The following CYP2C19 variants were observed in gnomAD, a reference collection of about 807,000 sequenced individuals.
CYP2C19 encodes cytochrome P450 family 2 subfamily C member 19, also known as cytochrome P450 2C19.
A neutral mutation model predicts 40.9 loss-of-function variants in CYP2C19; 59 were observed. The observed-to-expected ratio is 1.44, with a 90% CI of 1.17 to 1.79. The LOEUF (loss-of-function observed/expected upper bound fraction) is 1.79, where lower values mean the gene tolerates loss of function less well. Among genes scored for constraint, CYP2C19 ranks in the 40% most tolerant of loss-of-function variants. The pLI is 0.00. For synonymous variants in CYP2C19, 253 were observed against 208.7 expected (o/e 1.21, Z -1.83); for missense variants, 754 against 596.9 (o/e 1.26, Z -2.74).
intron 1 of CYP2C19, among the ~76,000 whole-genome samples, chr10:94,773,590 T>G (rs886120797): frequency 6.6e-6 from 1 of 152,070 alleles, no homozygotes; most frequent in African/African-American, 2.4e-5. Context: ...TCCTGGTGGG[T>G]TTGTGGTCTT....
chr10:94,831,683 T>C (rs1430367276), intron 6 of CYP2C19, among the ~76,000 whole-genome samples: 1 of 152,222 alleles, frequency 6.6e-6, no homozygotes, highest in Admixed American at 6.5e-5. Flanking sequence ...GTATGTCTGT[T>C]AACAATTAAC....
At chr10:94,825,356 G>T (rs1457919497) in intron 6 of CYP2C19, among the ~76,000 whole-genome samples, 99 of 148,622 alleles carry the variant, frequency 6.7e-4, no homozygotes, top group Non-Finnish European at 1.2e-3. Context: ...ATTCTAACTG[G>T]TGTGAGATGG....
intron 8 of CYP2C19, among the ~76,000 whole-genome samples, chr10:94,851,990 T>C (rs182141438): frequency 8.7e-4 from 133 of 152,336 alleles, no homozygotes; most frequent in Non-Finnish European, 1.4e-3. Flanking sequence ...AGATAAAATT[T>C]GACCTATGTC....
intron 7 of CYP2C19, among the ~76,000 whole-genome samples, chr10:94,846,905 C>T (rs1432728340): frequency 3.9e-5 from 6 of 151,952 alleles, no homozygotes; most frequent in Non-Finnish European, 4.4e-5. Flanking sequence ...AAACAAACTA[C>T]ATGGCAATGA....
rs1263961544 is a variant in CYP2C19 at position 94,775,049 on chromosome 10, C to T, written c.169-9C>T. 6.2e-7 allele frequency: 1 copy of T among 1,613,760 alleles called. No individual in the cohort carries two copies. The highest frequency in any genetic ancestry group is 8.5e-7 in the Non-Finnish European group (1 of 1,179,832). On this transcript the variant is annotated splice_polypyrimidine_tract_variant and intron_variant, in intron 1 of 8. Transcript: ENST00000371321. ...CTTCATTTGCTGTTAACTGTATCTC[C>T]TTTTCTAGCTCTCAAAAATCTATGG...
At chr10:94,827,294 G>C (rs1849243200) in intron 6 of CYP2C19, among the ~76,000 whole-genome samples, 1 of 151,970 alleles carries the variant, frequency 6.6e-6, no homozygotes, top group Admixed American at 6.6e-5. Flanking sequence ...TCTGGTCCTG[G>C]ACTCTTTTTG....
Position 94,854,530 on chromosome 10 carries a change from A to T in CYP2C19, c.*1616A>T, listed in dbSNP as rs1849703895. ...TTCTACTTGAAATGTAAGAAATAAG[A>T]AGTAACATAATTGATTATGCTTTTC... On this transcript the variant is annotated 3_prime_UTR_variant, in exon 9 of 9. Transcript: ENST00000371321. Among the ~76,000 whole-genome samples, 3 of 151,938 alleles carry T rather than the reference A, an allele frequency of 2.0e-5. No individual in the cohort carries two copies. Among genetic ancestry groups the T allele is most frequent in the South Asian group, 4.2e-4 (2 of 4,818 alleles).
chr10:94,799,363 G>A (rs909102406), intron 5 of CYP2C19, among the ~76,000 whole-genome samples: 8 of 152,158 alleles, frequency 5.3e-5, no homozygotes, highest in African/African-American at 1.9e-4. Context: ...GGTTTCTGCT[G>A]AGAGAGGCAC....
rs560829333 is a variant in CYP2C19, at chr10:94,855,423, T to C, written c.*2509T>C. On this transcript the variant is annotated 3_prime_UTR_variant, in exon 9 of 9. Transcript: ENST00000371321. ...TGCTAATTCTCTGCATTTATTTTTATTGTTTGTATTTCTTCCCTAAAATAC... is the reference window on the plus strand; with the variant it reads ...TGCTAATTCTCTGCATTTATTTTTACTGTTTGTATTTCTTCCCTAAAATAC... Among the ~76,000 whole-genome samples the C allele has an allele frequency of 1.0e-3, 157 of 152,362 alleles. 1 individual carries two copies. The highest frequency in any genetic ancestry group is 0.01 in the Middle Eastern group (3 of 294).
chr10:94,771,331 G>A (rs568367980), intron 1 of CYP2C19, among the ~76,000 whole-genome samples: 11 of 152,172 alleles, frequency 7.2e-5, no homozygotes, highest in Middle Eastern at 3.4e-3. Context: ...GCTAGGATAC[G>A]GGGGTAAGCT....
chr10:94,775,599 T>C, intron 3 of CYP2C19, 60 bp downstream of exon 3: 3 of 1,612,952 alleles, frequency 1.9e-6, no homozygotes, highest in Non-Finnish European at 2.5e-6. Flanking sequence ...CTACTGACAT[T>C]CTTGGAAACA....
At chr10:94,814,956 C>T (rs552712015) in intron 5 of CYP2C19, among the ~76,000 whole-genome samples, 2 of 140,312 alleles carry the variant, frequency 1.4e-5, no homozygotes, top group South Asian at 5.3e-4. Context: ...GCAGCTGAAG[C>T]CCACAGACTG....
intron 5 of CYP2C19, among the ~76,000 whole-genome samples, chr10:94,801,275 A>G (rs1438004973): frequency 1.3e-5 from 2 of 152,154 alleles, no homozygotes; most frequent in Admixed American, 6.5e-5. Flanking sequence ...TGTGTCTCAG[A>G]GATTCTGTTT....
Position 94,853,173 on chromosome 10 carries a change from A to G in CYP2C19, c.*259A>G, listed in dbSNP as rs1168487712. ...AATGTTGAGTTATTAACATATTATTATTAAATAGAGAAAGATGATTTGTGT... is the reference window on the plus strand; with the variant it reads ...AATGTTGAGTTATTAACATATTATTGTTAAATAGAGAAAGATGATTTGTGT... On this transcript the variant is annotated 3_prime_UTR_variant, in exon 9 of 9. Transcript: ENST00000371321. 1 of 463,830 alleles carries G rather than the reference A, an allele frequency of 2.2e-6. No homozygotes were observed. Among genetic ancestry groups the G allele is most frequent in the African/African-American group, 2.0e-5 (1 of 50,534 alleles). The allele number at this position is 463,830 out of a possible 1,614,324, so 28.7% of individuals were successfully genotyped here. A position where few individuals can be genotyped will look rare whatever the true frequency, so the allele number is the denominator to read the frequency against.
At chr10:94,812,355 G>A (rs1848939875) in intron 5 of CYP2C19, among the ~76,000 whole-genome samples, 1 of 151,708 alleles carries the variant, frequency 6.6e-6, no homozygotes, top group African/African-American at 2.4e-5. Flanking sequence ...TGTGTCTTGG[G>A]GTTGCCCTTC....
chr10:94,820,418 T>A (rs1377950489), intron 5 of CYP2C19, 78 bp from the exon 6 acceptor site: 3 of 1,507,220 alleles, frequency 2.0e-6, no homozygotes, highest in Non-Finnish European at 2.8e-6. Flanking sequence ...AAGTATACAA[T>A]GTGAGTAATT....
At chr10:94,811,046 T>C (rs1385527579) in intron 5 of CYP2C19, among the ~76,000 whole-genome samples, 3 of 152,224 alleles carry the variant, frequency 2.0e-5, no homozygotes, top group Non-Finnish European at 4.4e-5. Context: ...CTCTAAACAC[T>C]GCTTTAGCTG....
chr10:94,855,545 G>T lies in CYP2C19; in HGVS notation c.*2631G>T, dbSNP rs1316137926. ...GATACTGGCTCAATAAATATTTAAT[G>T]AATGAATGACTACTTAATGAATTAA... On this transcript the variant is annotated 3_prime_UTR_variant, in exon 9 of 9. Coordinates refer to ENST00000371321, the MANE Select transcript of CYP2C19 (RefSeq NM_000769.4). Among the ~76,000 whole-genome samples the T allele has an allele frequency of 6.6e-6, 1 of 152,152 alleles. No individual in the cohort carries two copies. The highest frequency in any genetic ancestry group is 2.4e-5 in the African/African-American group (1 of 41,430).
Position 94,852,751 on chromosome 10 carries a change from G to T in CYP2C19, c.1310G>T (p.Gly437Val). 1 of 1,613,954 alleles carries T rather than the reference G, an allele frequency of 6.2e-7. No individual in the cohort carries two copies. The highest frequency in any genetic ancestry group is 8.5e-7 in the Non-Finnish European group (1 of 1,179,932). The change falls in exon 9 of 9, where the codon GGA becomes GTA. Residue 437 changes from glycine to valine, a missense_variant. Gly to Val is a moderately radical substitution (Grantham distance 109). Transcript: ENST00000371321. The stretch of plus-strand genomic sequence containing the variant: ...TTTTCAGGAAAACGGATTTGTGTGG[G>T]AGAGGGCCTGGCCCGCATGGAGCTG... ...PFSAGKRICV[G>V]EGLARMELFL...
Sources: allele counts gnomAD v4.1 joint callset (sites outside exome capture counted in the v4.1 genomes callset), GRCh38; gene constraint gnomAD v4.1.1; transcripts MANE v1.5; gene names NCBI Gene and HGNC (gene_info 2026-07-23, HGNC 2026-07-21).